The following NREP variants were observed in gnomAD, a reference collection of about 807,000 sequenced individuals.
NREP encodes the protein neuronal regeneration-related protein.
NREP carries 5 observed loss-of-function variants against 8.6 expected under a neutral mutation model. That is an observed-to-expected ratio of 0.58 (90% CI 0.30 to 1.22). The LOEUF is 1.22. Ranked by LOEUF, NREP falls within the 50% of genes most tolerant of loss-of-function variation. NREP has a pLI of 0.07. For missense variants in NREP, 86 were observed against 82.5 expected (o/e 1.04, Z -0.17); for synonymous variants, 27 against 28.0 (o/e 0.96, Z 0.11).
At chr5:111,843,339 T>C (rs1188122235) in intron 2 of NREP, among the ~76,000 whole-genome samples, 1 of 151,946 alleles carries the variant, frequency 6.6e-6, no homozygotes, top group African/African-American at 2.4e-5. Context: ...TGGAAGTATT[T>C]AAGCTCTATA....
At chr5:111,855,271 A>C (rs1303332407) in intron 2 of NREP, among the ~76,000 whole-genome samples, 1 of 152,224 alleles carries the variant, frequency 6.6e-6, no homozygotes, top group Non-Finnish European at 1.5e-5. Context: ...ACTTTGATCA[A>C]GATATTTTCC....
At chr5:111,832,233 T>C (rs1326470002) in intron 2 of NREP, among the ~76,000 whole-genome samples, 2 of 152,008 alleles carry the variant, frequency 1.3e-5, no homozygotes, top group Admixed American at 1.3e-4. Context: ...AAAACCACCC[T>C]GGGGCTGGGT....
intron 2 of NREP, among the ~76,000 whole-genome samples, chr5:111,812,003 C>G (rs917510972): frequency 6.6e-6 from 1 of 152,136 alleles, no homozygotes; most frequent in African/African-American, 2.4e-5. Flanking sequence ...AAATATCAAA[C>G]TTGGCTGGGC....
chr5:111,882,958 T>C (rs1170385528), intron 2 of NREP, among the ~76,000 whole-genome samples: 4 of 152,126 alleles, frequency 2.6e-5, no homozygotes. Context: ...AATGACAGGA[T>C]CAAATTCACA....
chr5:111,763,553 C>G (rs872623), intron 2 of NREP, among the ~76,000 whole-genome samples: 1 of 151,952 alleles, frequency 6.6e-6, no homozygotes, highest in Non-Finnish European at 1.5e-5. Flanking sequence ...AAGAGATAAA[C>G]GAAAGGAATG....
At position 111,730,898 on chromosome 5, in the gene NREP, T is replaced by TAATA. The variant is rs1288915543; in HGVS notation, c.*19_*22dup. On this transcript the variant is annotated 3_prime_UTR_variant, in exon 4 of 4. Transcript: ENST00000257435. The stretch of plus-strand genomic sequence containing the variant: ...CTCATCAATACCCATACACCATATG[T>TAATA]AATACAAATGGAGGTGTTACGATTA... 3 of 1,613,374 alleles carry TAATA rather than the reference T, an allele frequency of 1.9e-6. No individual in the cohort carries two copies. The African/African-American group carries it at 4.0e-5, about 22-fold the overall frequency.
rs115293060 is a variant in NREP at position 111,782,611 on chromosome 5, T to C, written c.136-47104A>G. Among the ~76,000 whole-genome samples, 1,506 of 152,268 alleles carry C rather than the reference T, an allele frequency of 9.9e-3. 17 individuals carry two copies. The highest frequency in any genetic ancestry group is 0.029 in the South Asian group (140 of 4,820). On this transcript the variant is annotated intron_variant, in intron 2 of 3. Coordinates refer to the NREP transcript ENST00000395634. ...TCTCTGGGCATCTGATAGTTCTAAA[T>C]TAACTCTAAATATAATATTTTGATG... is the stretch of plus-strand genomic sequence containing the variant.
chr5:111,831,771 CTTCT>C (rs1236859138), intron 2 of NREP, among the ~76,000 whole-genome samples: 2 of 152,220 alleles, frequency 1.3e-5, no homozygotes, highest in Non-Finnish European at 2.9e-5. Context: ...GGACACAACA[CTTCT>C]TTCTTTCTGT....
chr5:111,829,308 A>G (rs1314160859), intron 2 of NREP, among the ~76,000 whole-genome samples: 1 of 152,206 alleles, frequency 6.6e-6, no homozygotes, highest in Non-Finnish European at 1.5e-5. Flanking sequence ...TGTATTTTGT[A>G]AATGGAACTC....
intron 2 of NREP, among the ~76,000 whole-genome samples, chr5:111,740,087 T>C (rs953778864): frequency 2.6e-5 from 4 of 152,168 alleles, no homozygotes; most frequent in Non-Finnish European, 5.9e-5. Context: ...TTTGTTTGAA[T>C]TCTGGGGAAG....
intron 2 of NREP, among the ~76,000 whole-genome samples, chr5:111,869,365 T>C (rs1753736824): frequency 6.6e-6 from 1 of 152,230 alleles, no homozygotes; most frequent in Admixed American, 6.5e-5. Flanking sequence ...ATATATGTAG[T>C]TATGACCAAT....
chr5:111,806,854 A>G (rs1193320152), intron 2 of NREP, among the ~76,000 whole-genome samples: 1 of 151,996 alleles, frequency 6.6e-6, no homozygotes, highest in African/African-American at 2.4e-5. Context: ...GGGGTAGGTG[A>G]GTGTACTTTA....
chr5:111,921,698 T>G (rs1022739833), intron 2 of NREP, among the ~76,000 whole-genome samples: 2 of 152,176 alleles, frequency 1.3e-5, no homozygotes, highest in Non-Finnish European at 1.5e-5. Flanking sequence ...ACACTTGCTA[T>G]GATTCCCAGC....
At chr5:111,750,242 C>A (rs1750270235) in intron 2 of NREP, among the ~76,000 whole-genome samples, 1 of 152,124 alleles carries the variant, frequency 6.6e-6, no homozygotes, top group Admixed American at 6.5e-5. Context: ...CTGGAATACT[C>A]CTCTCTCTCA....
At chr5:111,934,211 G>A (rs1755620911) in intron 2 of NREP, among the ~76,000 whole-genome samples, 2 of 152,152 alleles carry the variant, frequency 1.3e-5, no homozygotes, top group Non-Finnish European at 2.9e-5. Context: ...TACTCTCCAG[G>A]TGAGAGAGAG....
chr5:111,743,691 A>G (rs1397739548), intron 2 of NREP, among the ~76,000 whole-genome samples: 3 of 152,194 alleles, frequency 2.0e-5, no homozygotes, highest in Non-Finnish European at 4.4e-5. Flanking sequence ...GCTTTCTAAT[A>G]CTAGACATCT....
At chr5:111,943,936 G>A (rs1275832042) in intron 2 of NREP, among the ~76,000 whole-genome samples, 1 of 151,984 alleles carries the variant, frequency 6.6e-6, no homozygotes, top group East Asian at 1.9e-4. Context: ...ACTCTAATGA[G>A]CTTTCCTTTT....
At chr5:111,976,928 T>C (rs1311242057) in exon 1 of NREP, 1 of 535,138 alleles carries the variant, frequency 1.9e-6, no homozygotes. Flanking sequence ...GCAACAGTCA[T>C]TCTGAACCAT....
chr5:111,908,925 T>A (rs1035824947), intron 2 of NREP, among the ~76,000 whole-genome samples: 2 of 152,080 alleles, frequency 1.3e-5, no homozygotes, highest in African/African-American at 4.8e-5. Context: ...CCATTCTGAT[T>A]GGTGTGAGTT....
Sources: gnomAD v4.1 joint callset for allele counts (sites outside exome capture counted in the v4.1 genomes callset) on GRCh38, gnomAD v4.1.1 for gene constraint, MANE v1.5 for transcripts, NCBI Gene and HGNC (gene_info 2026-07-23, HGNC 2026-07-21) for gene names.